MFAP2: variants seen among roughly 807,000 people sequenced by gnomAD.
MFAP2 encodes microfibril associated protein 2.
A neutral mutation model predicts 30.6 loss-of-function variants in MFAP2; 23 were observed. That is an observed-to-expected ratio of 0.75 (90% CI 0.54 to 1.07). The LOEUF is 1.07. Among genes scored for constraint, MFAP2 ranks in the 50% least tolerant of loss-of-function variants. The pLI, the probability that MFAP2 is intolerant of heterozygous loss-of-function variation, is 0.00. For missense variants in MFAP2, 198 were observed against 223.8 expected, an observed-to-expected ratio of 0.88 and a Z score of 0.74; for synonymous variants, 73 against 85.7, an observed-to-expected ratio of 0.85 and a Z score of 0.82.
At chr1:16,979,958 T>A (rs1425232950) in intron 1 of MFAP2, among the ~76,000 whole-genome samples, 4 of 152,116 alleles carry the variant, frequency 2.6e-5, no homozygotes, top group Non-Finnish European at 5.9e-5. Context: ...AGGACCTGCC[T>A]GGGAGGCTGC....
rs1404227286 is a variant in MFAP2 at position 16,976,814 on chromosome 1, AG to A, written c.155-21del. 9.9e-6 allele frequency: 16 copies of A among 1,614,006 alleles called. No homozygotes were observed. Among genetic ancestry groups the A allele is most frequent in the Non-Finnish European group, 1.4e-5 (16 of 1,179,958 alleles). On this transcript the variant is annotated intron_variant, in intron 4 of 8. Coordinates refer to ENST00000375535, the MANE Select transcript of MFAP2 (RefSeq NM_002403.4). The surrounding 1 kb of genome is among the most constrained non-coding windows in gnomAD (Gnocchi z 5.5). ...TCACCTCTGCAGCCAGGGGAGGATA[AG>A]GGGGTCTGCTCCCTCTACCCCTCCC...
chr1:16,975,204 C>A lies in MFAP2; in HGVS notation c.448+65G>T. 1 of 1,485,332 alleles carries A rather than the reference C, an allele frequency of 6.7e-7. No homozygotes were observed. Among genetic ancestry groups the A allele is most frequent in the Non-Finnish European group, 9.3e-7 (1 of 1,070,644 alleles). 92.0% of individuals were successfully genotyped at this position (1,485,332 alleles called of 1,614,324 possible). On this transcript the variant is annotated intron_variant, in intron 8 of 8. Coordinates refer to ENST00000375535, the MANE Select transcript of MFAP2 (RefSeq NM_002403.4). The surrounding 1 kb of genome is among the most constrained non-coding windows in gnomAD (Gnocchi z 5.0). ...TGTTGAATAAACATCAGGTGGGTGG[C>A]TAGGTGGCCAGATAATGATGCGGGT...
At position 16,980,340 on chromosome 1, in the gene MFAP2, C is replaced by T. The variant is rs778155683; in HGVS notation, c.-42+247G>A. On this transcript the variant is annotated intron_variant, in intron 1 of 8. Coordinates refer to ENST00000375535, the MANE Select transcript of MFAP2 (RefSeq NM_002403.4). ...CAAAAGATGTCCCATCCCCCGACGACCTCACCTCTGGCTCCCCCCAAACTC... is the reference window on the plus strand; with the variant it reads ...CAAAAGATGTCCCATCCCCCGACGATCTCACCTCTGGCTCCCCCCAAACTC... Among the ~76,000 whole-genome samples, 1,120 of 150,850 alleles carry T rather than the reference C, an allele frequency of 7.4e-3. 7 individuals carry two copies. The highest frequency in any genetic ancestry group is 0.012 in the Non-Finnish European group (783 of 67,638).
Position 16,976,509 on chromosome 1 carries a change from C to T in MFAP2, c.278G>A (p.Gly93Glu), listed in dbSNP as rs758995080. Residue 93 changes from glycine to glutamate, a missense_variant, in exon 6 of 9, where the codon GGG becomes GAG. Physicochemically the swap from Gly to Glu is moderately conservative, Grantham distance 98. Transcript: ENST00000375535. The surrounding 1 kb of genome is among the most constrained non-coding windows in gnomAD (Gnocchi z 5.5). The part of the protein sequence containing the change: ...GNAELEPTEP[G>E]PLDCREEQYP... ...GTCAAGAAAGCCCTTACCAAGAGGC[C>T]CAGGCTCTGTGGGCTCCAGCTCTGC... 35 of 1,614,108 alleles carry T rather than the reference C, an allele frequency of 2.2e-5. No homozygotes were observed. The highest frequency in any genetic ancestry group is 2.7e-5 in the Non-Finnish European group (32 of 1,180,040).
rs190032221 is a variant in MFAP2 at position 16,978,141 on chromosome 1, T to C, written c.37+96A>G. ...GAGCTGGGGAGCTGAGTTCTGGTCA[T>C]AAGTCGTGACAAAGGCTCACTATGA... On this transcript the variant is annotated intron_variant, in intron 2 of 8. Transcript: ENST00000375535. The C allele has an allele frequency of 3.6e-4, 498 of 1,373,400 alleles. 2 individuals carry two copies. In the African/African-American group the frequency reaches 6.3e-3, roughly 17 times the overall value. The allele number at this position is 1,373,400 out of a possible 1,614,324, so 85.1% of individuals were successfully genotyped here.
In MFAP2 at chr1:16,975,304, A is replaced by G; in HGVS notation, c.413T>C (p.Val138Ala). The change falls in exon 8 of 9, where the codon GTT becomes GCT. Residue 138 changes from valine to alanine, a missense_variant. Transcript: ENST00000375535. The surrounding 1 kb of genome is among the most constrained non-coding windows in gnomAD (Gnocchi z 5.0). ...CTCCTCATGGGCACACACTGTACGA[A>G]CACAGATCTCCTTGTTAATGACGTA... is the stretch of plus-strand genomic sequence containing the variant. The part of the protein sequence containing the change: ...RVYVINKEIC[V>A]RTVCAHEELL... The G allele has an allele frequency of 6.2e-7, 1 of 1,613,980 alleles. No homozygotes were observed. The highest frequency in any genetic ancestry group is 8.5e-7 in the Non-Finnish European group (1 of 1,179,934).
chr1:16,976,619 G>C lies in MFAP2; in HGVS notation c.242-74C>G. The stretch of plus-strand genomic sequence containing the variant: ...AGGGCAAGGGGAGTCACCTCTCCCA[G>C]CCCTGGCAGACCCCCACTCCCAGGG... On this transcript the variant is annotated intron_variant, in intron 5 of 8. Coordinates refer to ENST00000375535, the MANE Select transcript of MFAP2 (RefSeq NM_002403.4). This position sits in a 1 kb window ranked among gnomAD's most constrained non-coding sequence, Gnocchi z 5.5. 1 of 1,611,176 alleles carries C rather than the reference G, an allele frequency of 6.2e-7. No individual in the cohort carries two copies. Among genetic ancestry groups the C allele is most frequent in the South Asian group, 1.1e-5 (1 of 91,018 alleles).
At chr1:16,978,357 C>A in intron 1 of MFAP2, 43 bp from the exon 2 acceptor site, 1 of 1,468,270 alleles carries the variant, frequency 6.8e-7, no homozygotes, top group South Asian at 1.2e-5. Context: ...GGGCCACACC[C>A]AGGACAGCAG....
At position 16,976,051 on chromosome 1, in the gene MFAP2, C is replaced by T. The variant is rs1269878154; in HGVS notation, c.287-321G>A. ...ACGCTCACAGAAGCCCACATAGGAG[C>T]GCTCACACCAACCCACACGAGAGTG... On this transcript the variant is annotated intron_variant, in intron 6 of 8. Transcript: ENST00000375535. This position sits in a 1 kb window ranked among gnomAD's most constrained non-coding sequence, Gnocchi z 5.5. 8 of 469,402 alleles carry T rather than the reference C, an allele frequency of 1.7e-5. No homozygotes were observed. The highest frequency in any genetic ancestry group is 8.1e-5 in the East Asian group (2 of 24,780). 29.1% of individuals were successfully genotyped at this position (469,402 alleles called of 1,614,324 possible). A position where few individuals can be genotyped will look rare whatever the true frequency, so the allele number is the denominator to read the frequency against.
At position 16,975,616 on chromosome 1, in the gene MFAP2, T is replaced by C. The variant is rs2076583739; in HGVS notation, c.374+27A>G. 6.2e-7 allele frequency: 1 copy of C among 1,610,008 alleles called. No homozygotes were observed. Among genetic ancestry groups the C allele is most frequent in the Non-Finnish European group, 8.5e-7 (1 of 1,176,820 alleles). On this transcript the variant is annotated intron_variant, in intron 7 of 8. Transcript: ENST00000375535. This position sits in a 1 kb window ranked among gnomAD's most constrained non-coding sequence, Gnocchi z 5.0. Reference sequence around the variant, plus strand: ...TCTAGCCCCCCATGCTCCGGAATCCTCCCGACAGCTGCCCATCTGTGCTCA... The same window carrying C: ...TCTAGCCCCCCATGCTCCGGAATCCCCCCGACAGCTGCCCATCTGTGCTCA...
Position 16,975,428 on chromosome 1 carries a change from CG to C in MFAP2, c.375-87del. 1 of 947,598 alleles carries C rather than the reference CG, an allele frequency of 1.1e-6. No homozygotes were observed. The highest frequency in any genetic ancestry group is 3.8e-5 in the Admixed American group (1 of 26,058). 58.7% of individuals were successfully genotyped at this position (947,598 alleles called of 1,614,324 possible). A position where few individuals can be genotyped will look rare whatever the true frequency, so the allele number is the denominator to read the frequency against. The stretch of plus-strand genomic sequence containing the variant: ...CCAGACAGAACCTGGCACGGGAGCC[CG>C]GACAGAACCTGGCACGGGAGCCCGG... On this transcript the variant is annotated intron_variant, in intron 7 of 8. Coordinates refer to ENST00000375535, the MANE Select transcript of MFAP2 (RefSeq NM_002403.4). This position sits in a 1 kb window ranked among gnomAD's most constrained non-coding sequence, Gnocchi z 5.0.
rs1396632890 is a variant in MFAP2 at position 16,975,612 on chromosome 1, A to G, written c.374+31T>C. The G allele has an allele frequency of 6.2e-7, 1 of 1,607,658 alleles. No individual in the cohort carries two copies. Among genetic ancestry groups the G allele is most frequent in the East Asian group, 2.2e-5 (1 of 44,798 alleles). On this transcript the variant is annotated intron_variant, in intron 7 of 8. Transcript: ENST00000375535. This position sits in a 1 kb window ranked among gnomAD's most constrained non-coding sequence, Gnocchi z 5.0. The stretch of plus-strand genomic sequence containing the variant: ...GCCCTCTAGCCCCCCATGCTCCGGA[A>G]TCCTCCCGACAGCTGCCCATCTGTG...
In MFAP2 at chr1:16,976,688, G is replaced by A; in HGVS notation, c.241+20C>T. 1 of 1,613,118 alleles carries A rather than the reference G, an allele frequency of 6.2e-7. No individual in the cohort carries two copies. On this transcript the variant is annotated intron_variant, in intron 5 of 8. Transcript: ENST00000375535. This position sits in a 1 kb window ranked among gnomAD's most constrained non-coding sequence, Gnocchi z 5.5. ...GTGAGGCAGGAGCTGAGACGGGTGGGAGCAGGGTCTGGGGCCTACCTGGGG... is the reference window on the plus strand; with the variant it reads ...GTGAGGCAGGAGCTGAGACGGGTGGAAGCAGGGTCTGGGGCCTACCTGGGG...
rs1471830773 is a variant in MFAP2, at chr1:16,976,516, C to G, written c.271G>C (p.Glu91Gln). Reference sequence around the variant, plus strand: ...AAGCCCTTACCAAGAGGCCCAGGCTCTGTGGGCTCCAGCTCTGCATTTCCT... The same window carrying G: ...AAGCCCTTACCAAGAGGCCCAGGCTGTGTGGGCTCCAGCTCTGCATTTCCT... ...EPGNAELEPTEPGPLDCREEQ... is the reference protein window; with the variant it reads ...EPGNAELEPTQPGPLDCREEQ... The change falls in exon 6 of 9, where the codon GAG becomes CAG. Residue 91 changes from glutamate (E) to glutamine (Q), a missense_variant. Transcript: ENST00000375535. This position sits in a 1 kb window ranked among gnomAD's most constrained non-coding sequence, Gnocchi z 5.5. The G allele has an allele frequency of 6.2e-7, 1 of 1,614,260 alleles. No homozygotes were observed. Among genetic ancestry groups the G allele is most frequent in the Non-Finnish European group, 8.5e-7 (1 of 1,180,038 alleles).
Position 16,979,864 on chromosome 1 carries a change from CAG to C in MFAP2, c.-42+721_-42+722del, listed in dbSNP as rs1371535828. On this transcript the variant is annotated intron_variant, in intron 1 of 8. Coordinates refer to ENST00000375535, the MANE Select transcript of MFAP2 (RefSeq NM_002403.4). ...GCGGGGAGGCAGGAAAGAGAGAAGT[CAG>C]TGTGGAGTTCATGAACTCCTCCCAC... Among the ~76,000 whole-genome samples, 3 of 152,288 alleles carry C rather than the reference CAG, an allele frequency of 2.0e-5. No homozygotes were observed. The East Asian group carries it at 5.8e-4, about 29-fold the overall frequency.
rs4920588 is a variant in MFAP2, at chr1:16,977,297, C to T, written c.38-99G>A. On this transcript the variant is annotated intron_variant, in intron 2 of 8. Transcript: ENST00000375535. The stretch of plus-strand genomic sequence containing the variant: ...GAGGCGGGGGTCACAAGGTCAGGCC[C>T]ATAAGAGCCTAGGACCCCACAAGCA... The T allele has an allele frequency of 0.81, 911,193 of 1,130,504 alleles. 368,660 individuals carry two copies. Among genetic ancestry groups the T allele is most frequent in the Admixed American group, 0.87 (39,136 of 45,034 alleles). 70.0% of individuals were successfully genotyped at this position (1,130,504 alleles called of 1,614,324 possible).
Position 16,975,251 on chromosome 1 carries a change from G to C in MFAP2, c.448+18C>G. On this transcript the variant is annotated intron_variant, in intron 8 of 8. Transcript: ENST00000375535. This position sits in a 1 kb window ranked among gnomAD's most constrained non-coding sequence, Gnocchi z 5.0. Reference sequence around the variant, plus strand: ...GGGTGTGGGGACAGGGGAGGTCTTGGGGAGGTGGCCTTCCTACCTCGGAGG... The same window carrying C: ...GGGTGTGGGGACAGGGGAGGTCTTGCGGAGGTGGCCTTCCTACCTCGGAGG... 6.2e-7 allele frequency: 1 copy of C among 1,609,874 alleles called. No individual in the cohort carries two copies. The highest frequency in any genetic ancestry group is 2.2e-5 in the East Asian group (1 of 44,852).
Position 16,977,095 on chromosome 1 carries a change from G to A in MFAP2, c.127+14C>T, listed in dbSNP as rs766559749. ...CTGAGCAGCCAGGCCTCGGTGACCC[G>A]GCAAGGCCCTTACCGATCTGGTCGC... On this transcript the variant is annotated intron_variant, in intron 3 of 8. Transcript: ENST00000375535. The A allele has an allele frequency of 2.9e-5, 47 of 1,613,714 alleles. No individual in the cohort carries two copies. The South Asian group carries it at 4.5e-4, about 15-fold the overall frequency.
intron 1 of MFAP2, among the ~76,000 whole-genome samples, chr1:16,980,164 G>T (rs1312350956): frequency 6.6e-6 from 1 of 152,000 alleles, no homozygotes; most frequent in African/African-American, 2.4e-5. Context: ...GCGCCGCACA[G>T]CTGGGAACAA....
Sources: gnomAD v4.1 joint callset for allele counts (sites outside exome capture counted in the v4.1 genomes callset) on GRCh38, gnomAD v4.1.1 for gene constraint, Gnocchi (gnomAD v3.1) non-coding constraint, MANE v1.5 for transcripts, NCBI Gene and HGNC (gene_info 2026-07-23, HGNC 2026-07-21) for gene names.